IGFL4: variants seen among roughly 807,000 people sequenced by gnomAD.
IGFL4 encodes the protein IGF like family member 4.
Under a neutral mutation model 15.4 loss-of-function variants are expected in IGFL4, and 12 were observed. That is an observed-to-expected ratio of 0.78 (90% CI 0.50 to 1.26). The LOEUF is 1.26. Ranked by LOEUF, IGFL4 falls within the 50% of genes most tolerant of loss-of-function variation. The pLI is 0.00. For synonymous variants in IGFL4, 54 were observed against 55.9 expected (o/e 0.97, Z 0.16); for missense variants, 126 against 147.8 (o/e 0.85, Z 0.76).
At chr19:46,054,929 A>G (rs1194974970) in intron 2 of IGFL4, among the ~76,000 whole-genome samples, 2 of 152,212 alleles carry the variant, frequency 1.3e-5, no homozygotes, top group African/African-American at 2.4e-5. Flanking sequence ...GTGTTTGCCA[A>G]ATCAATACAT....
intron 2 of IGFL4, among the ~76,000 whole-genome samples, chr19:46,046,549 A>G (rs1344305458): frequency 6.6e-6 from 1 of 152,218 alleles, no homozygotes; most frequent in African/African-American, 2.4e-5. Flanking sequence ...CTCAAAATAA[A>G]GGGATGGAGG....
upstream of IGFL4, chr19:46,077,177 T>C (rs1318070914): frequency 6.6e-6 from 1 of 152,142 alleles, no homozygotes; most frequent in Non-Finnish European, 1.5e-5. The surrounding 1 kb of genome is among the most constrained non-coding windows in gnomAD (Gnocchi z 5.4). Flanking sequence ...GCCGTGGGCG[T>C]TCACCCGGGT....
chr19:46,049,580 G>A (rs1969326501), intron 2 of IGFL4, among the ~76,000 whole-genome samples: 1 of 152,032 alleles, frequency 6.6e-6, no homozygotes, highest in South Asian at 2.1e-4. Flanking sequence ...CATTGTCCTG[G>A]GAACCACACC....
Position 46,056,057 on chromosome 19 carries a change from G to A in IGFL4, c.-323+4128C>T, listed in dbSNP as rs185799275. Among the ~76,000 whole-genome samples, 127 of 152,274 alleles carry A rather than the reference G, an allele frequency of 8.3e-4. 1 individual carries two copies. The highest frequency in any genetic ancestry group is 3.4e-3 in the Middle Eastern group (1 of 294). On this transcript the variant is annotated intron_variant, in intron 2 of 5. Transcript: ENST00000601672. ...CTTCCAAAGCGCTGGCATTACAGGC[G>A]TGAGCCACCATACCCAGCCCAATTT...
At chr19:46,059,759 CA>C (rs1179670104) in intron 2 of IGFL4, 3 of 152,252 alleles carry the variant, frequency 2.0e-5, no homozygotes, top group African/African-American at 7.2e-5. Context: ...TTATTTTTCA[CA>C]GAGGCTTTTA....
chr19:46,067,841 T>C (rs1384624662), intron 1 of IGFL4, among the ~76,000 whole-genome samples: 1 of 152,142 alleles, frequency 6.6e-6, no homozygotes, highest in African/African-American at 2.4e-5. Context: ...TGTGACATCA[T>C]GGAGAACTGC....
upstream of IGFL4, among the ~76,000 whole-genome samples, chr19:46,077,495 T>C (rs142794878): frequency 0.013 from 2,049 of 152,190 alleles, 31 homozygotes; most frequent in Middle Eastern, 0.027. This position sits in a 1 kb window ranked among gnomAD's most constrained non-coding sequence, Gnocchi z 5.4. Context: ...GATCCTAGTA[T>C]CATTCAGGAA....
chr19:46,061,397 G>T (rs560423393), intron 1 of IGFL4, among the ~76,000 whole-genome samples: 5 of 152,108 alleles, frequency 3.3e-5, no homozygotes, highest in Non-Finnish European at 7.3e-5. Context: ...ATTAATTAAA[G>T]CTCTTTTATA....
intron 1 of IGFL4, among the ~76,000 whole-genome samples, chr19:46,062,251 G>A (rs781405858): frequency 5.3e-5 from 8 of 152,154 alleles, no homozygotes; most frequent in South Asian, 2.1e-4. Flanking sequence ...CAAATGCTCC[G>A]AGAAAGGAAA....
chr19:46,052,802 A>G (rs1969357499), intron 2 of IGFL4, among the ~76,000 whole-genome samples: 1 of 151,708 alleles, frequency 6.6e-6, no homozygotes, highest in Non-Finnish European at 1.5e-5. Flanking sequence ...CTATTAACAC[A>G]TACTTAAAAT....
At chr19:46,052,866 G>GTTTTTT (rs5828264) in intron 2 of IGFL4, among the ~76,000 whole-genome samples, 1 of 120,590 alleles carries the variant, frequency 8.3e-6, no homozygotes, top group African/African-American at 3.2e-5. Context: ...ATGTTATCTC[G>GTTTTTT]TTTTTTTTTT....
intron 2 of IGFL4, among the ~76,000 whole-genome samples, chr19:46,047,220 G>A (rs1013071871): frequency 5.9e-5 from 9 of 152,208 alleles, no homozygotes; most frequent in African/African-American, 2.2e-4. Flanking sequence ...AAGAGACAAT[G>A]TACCCGATTC....
At chr19:46,077,099 A>G (rs1969609385), upstream of IGFL4, 1 of 152,172 alleles carries the variant, frequency 6.6e-6, no homozygotes. This position sits in a 1 kb window ranked among gnomAD's most constrained non-coding sequence, Gnocchi z 5.4. Flanking sequence ...GAAGTTTCCA[A>G]CCCAGAGTCA....
At position 46,040,423 on chromosome 19, in the gene IGFL4, G is replaced by A. The variant is rs201793858; in HGVS notation, c.71-7C>T. ...CATAGCCACAGTCTAAGATCTGGAAGAGTCGGGGCTGGATGGGCTGCAAGG... is the reference window on the plus strand; with the variant it reads ...CATAGCCACAGTCTAAGATCTGGAAAAGTCGGGGCTGGATGGGCTGCAAGG... On this transcript the variant is annotated splice_region_variant and splice_polypyrimidine_tract_variant and intron_variant, in intron 2 of 3. Transcript: ENST00000377697. The surrounding 1 kb of genome is among the most constrained non-coding windows in gnomAD (Gnocchi z 4.1). 6.2e-7 allele frequency: 1 copy of A among 1,613,902 alleles called. No homozygotes were observed. Among genetic ancestry groups the A allele is most frequent in the Admixed American group, 1.7e-5 (1 of 60,024 alleles).
chr19:46,041,117 G>A, upstream of IGFL4: 1 of 650,528 alleles, frequency 1.5e-6, no homozygotes, highest in Admixed American at 3.4e-5. Context: ...AGAGCTGCAG[G>A]GAACATAAAT....
chr19:46,067,222 A>C (rs1486411313), intron 1 of IGFL4, among the ~76,000 whole-genome samples: 1 of 152,176 alleles, frequency 6.6e-6, no homozygotes, highest in Non-Finnish European at 1.5e-5. Context: ...CCCCAGCCCC[A>C]GCATATCCAC....
rs1342142814 is a variant in IGFL4 at position 46,040,131 on chromosome 19, A to G, written c.330+26T>C. Reference sequence around the variant, plus strand: ...TCCATTCCCTACTCCCCCCTCCCACAGCCTGGACTGGAGTCAGATCCTTAC... The same window carrying G: ...TCCATTCCCTACTCCCCCCTCCCACGGCCTGGACTGGAGTCAGATCCTTAC... On this transcript the variant is annotated intron_variant, in intron 3 of 3. Coordinates refer to ENST00000377697, the MANE Select transcript of IGFL4 (RefSeq NM_001002923.3). The surrounding 1 kb of genome is among the most constrained non-coding windows in gnomAD (Gnocchi z 4.1). 1 of 1,611,424 alleles carries G rather than the reference A, an allele frequency of 6.2e-7. No homozygotes were observed. The highest frequency in any genetic ancestry group is 2.2e-5 in the East Asian group (1 of 44,852).
chr19:46,076,341 C>T (rs1003642845), intron 1 of IGFL4, among the ~76,000 whole-genome samples: 23 of 152,214 alleles, frequency 1.5e-4, no homozygotes, highest in African/African-American at 5.1e-4. Flanking sequence ...ATTGTTCCAG[C>T]TTTGGCCACT....
chr19:46,072,233 T>A (rs16980288), intron 1 of IGFL4, among the ~76,000 whole-genome samples: 10,096 of 152,260 alleles, frequency 0.066, 549 homozygotes, highest in African/African-American at 0.14. Flanking sequence ...GGACTCTGCC[T>A]GGGGACAGTT....
Sources: gnomAD v4.1 joint callset for allele counts (sites outside exome capture counted in the v4.1 genomes callset) on GRCh38, gnomAD v4.1.1 for gene constraint, Gnocchi (gnomAD v3.1) non-coding constraint, MANE v1.5 for transcripts, NCBI Gene and HGNC (gene_info 2026-07-23, HGNC 2026-07-21) for gene names.